MIDEAS: variants seen among roughly 807,000 people sequenced by gnomAD.
MIDEAS encodes the protein mitotic deacetylase associated SANT domain protein.
A neutral mutation model predicts 102.7 loss-of-function variants in MIDEAS; 26 were observed. The ratio of observed to expected loss-of-function variants is 0.25; its 90% CI spans 0.19 to 0.35. The LOEUF (loss-of-function observed/expected upper bound fraction) is 0.35. MIDEAS is among the 10% of genes least tolerant of loss of function. The pLI, the probability that MIDEAS is intolerant of heterozygous loss-of-function variation, is 1.00. For synonymous variants in MIDEAS, 585 were observed against 591.0 expected (o/e 0.99, Z 0.15); for missense variants, 1,231 against 1,435.6 (o/e 0.86, Z 2.30).
At chr14:73,779,573 A>ATTTTTTTT (rs1322412292) in intron 1 of MIDEAS, among the ~76,000 whole-genome samples, 1 of 119,992 alleles carries the variant, frequency 8.3e-6, no homozygotes, top group Admixed American at 9.0e-5. Context: ...TATTATTATT[A>ATTTTTTTT]TTTTTTTTTT....
chr14:73,770,364 ATG>A (rs1491203519), intron 1 of MIDEAS, among the ~76,000 whole-genome samples: 5 of 70,332 alleles, frequency 7.1e-5, no homozygotes, highest in African/African-American at 9.4e-5. Context: ...GATGATGACG[ATG>A]ATGATGATGA....
At position 73,726,829 on chromosome 14, in the gene MIDEAS, C is replaced by A; in HGVS notation, c.2305+1G>T. ...CTTGCTGCCCCCAGGCCCCTCCTCA[C>A]CTTGCCTCTGCTTCTCCCGGCTGCT... On this transcript the variant is annotated splice_donor_variant, in intron 6 of 12. Transcript: ENST00000423556. LOFTEE classifies it high-confidence loss of function. 1 of 1,608,524 alleles carries A rather than the reference C, an allele frequency of 6.2e-7. No homozygotes were observed. Among genetic ancestry groups the A allele is most frequent in the Non-Finnish European group, 8.5e-7 (1 of 1,175,842 alleles).
At chr14:73,777,700 C>T (rs758859679) in intron 1 of MIDEAS, among the ~76,000 whole-genome samples, 2 of 151,960 alleles carry the variant, frequency 1.3e-5, no homozygotes, top group Admixed American at 6.6e-5. Context: ...TTCTCCAGGA[C>T]GCCTCTCATT....
Position 73,726,206 on chromosome 14 carries a change from CTTACTCTTGCCCCCT to C in MIDEAS, c.2410-113_2410-99del, listed in dbSNP as rs2053058931. 3 of 978,754 alleles carry C rather than the reference CTTACTCTTGCCCCCT, an allele frequency of 3.1e-6. No individual in the cohort carries two copies. In the Admixed American group the frequency reaches 6.0e-5, roughly 20 times the overall value. 60.6% of individuals were successfully genotyped at this position (978,754 alleles called of 1,614,324 possible). ...GATAAAATCCCGAGTAGGGTGGACA[CTTACTCTTGCCCCCT>C]TAACTGCTGAGAGATAAGGGGTCCA... On this transcript the variant is annotated intron_variant, in intron 7 of 12. Transcript: ENST00000423556.
intron 1 of MIDEAS, among the ~76,000 whole-genome samples, chr14:73,743,841 G>A (rs933121254): frequency 3.9e-5 from 6 of 151,990 alleles, no homozygotes; most frequent in East Asian, 3.9e-4. Flanking sequence ...ACGGCAACCC[G>A]CCCTGTCAGT....
In MIDEAS at chr14:73,738,671, T is replaced by A; in HGVS notation, c.1338A>T (p.Leu446=). Residue 446 remains leucine, a synonymous_variant, in exon 2 of 13, where the codon CTA becomes CTT. Coordinates refer to ENST00000423556, the MANE Select transcript of MIDEAS (RefSeq NM_001367710.1). ...AVSTGDCGQV[L]RGGVIQSTRR... The stretch of plus-strand genomic sequence containing the variant: ...GCGTGCTCTGGATCACTCCGCCCCG[T>A]AGCACCTGCCCACAGTCCCCTGTGC... The A allele has an allele frequency of 9.3e-6, 15 of 1,613,858 alleles. No individual in the cohort carries two copies. The highest frequency in any genetic ancestry group is 1.3e-5 in the Non-Finnish European group (15 of 1,179,960).
chr14:73,739,672 C>T lies in MIDEAS; in HGVS notation c.337G>A (p.Gly113Ser), dbSNP rs751590751. ...APGRGPERGG[G>S]GGVSDSSWQQ... ...CAGCTGCTGTCACTGACACCCCCAC[C>T]TCCTCCACGCTCCGGGCCCCGCCCT... Residue 113 changes from glycine to serine, a missense_variant, in exon 2 of 13, where the codon GGT becomes AGT. Gly to Ser is a moderately conservative substitution (Grantham distance 56). Around this residue, in one of 5 missense-constraint regions of MIDEAS, gnomAD observed 758 missense variants for 856.0 expected, o/e 0.89. Transcript: ENST00000423556. 6.2e-7 allele frequency: 1 copy of T among 1,613,800 alleles called. No individual in the cohort carries two copies. The highest frequency in any genetic ancestry group is 2.2e-5 in the East Asian group (1 of 44,884).
intron 10 of MIDEAS, 97 bp from the exon 11 acceptor site, chr14:73,721,606 A>G: frequency 9.0e-7 from 1 of 1,106,672 alleles, no homozygotes; most frequent in Non-Finnish European, 1.4e-6. Flanking sequence ...AGCCCCAGCT[A>G]GTCCTGCTCG....
intron 1 of MIDEAS, among the ~76,000 whole-genome samples, chr14:73,771,660 C>A (rs1194352947): frequency 6.6e-6 from 1 of 152,228 alleles, no homozygotes; most frequent in African/African-American, 2.4e-5. Context: ...CAGCGCCACA[C>A]CCAAACCTGC....
rs1386698811 is a variant in MIDEAS at position 73,739,841 on chromosome 14, G to T, written c.168C>A (p.Val56=). ...YLGHEGPGGA[V]STSQPVELPP... ...GCAGTTCCACAGGCTGAGAGGTGGA[G>T]ACTGCCCCTCCTGGACCCTCGTGCC... The change falls in exon 2 of 13, where the codon GTC becomes GTA. Residue 56 remains valine (V), a synonymous_variant. Coordinates refer to ENST00000423556, the MANE Select transcript of MIDEAS (RefSeq NM_001367710.1). 6.2e-7 allele frequency: 1 copy of T among 1,607,084 alleles called. No individual in the cohort carries two copies. Among genetic ancestry groups the T allele is most frequent in the African/African-American group, 1.3e-5 (1 of 74,776 alleles).
chr14:73,719,078 G>A (rs2052942199), intron 12 of MIDEAS, 70 bp from the exon 13 acceptor site: 1 of 1,446,916 alleles, frequency 6.9e-7, no homozygotes, highest in South Asian at 1.5e-5. Flanking sequence ...GGTGCGCGAG[G>A]AGCCCCAGCC....
chr14:73,751,629 C>T (rs57162157), intron 1 of MIDEAS, among the ~76,000 whole-genome samples: 12,953 of 152,190 alleles, frequency 0.085, 635 homozygotes, highest in African/African-American at 0.14. Context: ...CCGGATGCAG[C>T]GGCTCCCGTT....
At chr14:73,723,696 C>T (rs185105263) in intron 9 of MIDEAS, 7 of 152,236 alleles carry the variant, frequency 4.6e-5, no homozygotes, top group East Asian at 3.9e-4. Flanking sequence ...AATCTAAGTC[C>T]GGGGTGGATG....
At chr14:73,776,027 C>A (rs2053685178) in intron 1 of MIDEAS, among the ~76,000 whole-genome samples, 1 of 151,974 alleles carries the variant, frequency 6.6e-6, no homozygotes. Flanking sequence ...ACAAACCAAG[C>A]CTGAAACCAG....
chr14:73,738,788 C>A lies in MIDEAS; in HGVS notation c.1221G>T (p.Ser407=). 1 of 1,582,316 alleles carries A rather than the reference C, an allele frequency of 6.3e-7. No homozygotes were observed. Among genetic ancestry groups the A allele is most frequent in the Non-Finnish European group, 8.6e-7 (1 of 1,163,118 alleles). Residue 407 remains serine (S), a synonymous_variant, in exon 2 of 13, where the codon TCG becomes TCT. Coordinates refer to ENST00000423556, the MANE Select transcript of MIDEAS (RefSeq NM_001367710.1). ...ALGFPLELRE[S]QLLPDGERLA... is the part of the protein sequence containing the mutation. The stretch of plus-strand genomic sequence containing the variant: ...GTCTCTCCCCATCAGGCAGTAGCTG[C>A]GACTCCCTCAGCTCCAGCGGGAATC...
chr14:73,740,115 C>G lies in MIDEAS; in HGVS notation c.-107G>C. The G allele has an allele frequency of 7.3e-7, 1 of 1,370,136 alleles. No individual in the cohort carries two copies. The highest frequency in any genetic ancestry group is 9.5e-7 in the Non-Finnish European group (1 of 1,056,992). The allele number at this position is 1,370,136 out of a possible 1,614,324, so 84.9% of individuals were successfully genotyped here. A position where few individuals can be genotyped will look rare whatever the true frequency, so the allele number is the denominator to read the frequency against. On this transcript the variant is annotated 5_prime_UTR_variant, in exon 2 of 13. Coordinates refer to ENST00000423556, the MANE Select transcript of MIDEAS (RefSeq NM_001367710.1). ...GCTCTAGTCCAGGAGCCAGGGAGGGCAGAGCAGGGGCAGAGGAAGACGCTG... is the reference window on the plus strand; with the variant it reads ...GCTCTAGTCCAGGAGCCAGGGAGGGGAGAGCAGGGGCAGAGGAAGACGCTG...
intron 1 of MIDEAS, among the ~76,000 whole-genome samples, chr14:73,779,570 ATTATT>A (rs2053729557): frequency 1.7e-5 from 1 of 60,170 alleles, no homozygotes; most frequent in East Asian, 2.0e-3. Context: ...TATTATTATT[ATTATT>A]TTTTTTTTTT....
chr14:73,756,250 C>G (rs1309489034), intron 1 of MIDEAS, among the ~76,000 whole-genome samples: 1 of 148,134 alleles, frequency 6.8e-6, no homozygotes, highest in Non-Finnish European at 1.5e-5. Flanking sequence ...AAGTGTGTGA[C>G]TGCGAGAGCC....
In MIDEAS at chr14:73,727,514, T is replaced by C. The variant is rs748095406; in HGVS notation, c.2106A>G (p.Glu702=). 3 of 1,611,694 alleles carry C rather than the reference T, an allele frequency of 1.9e-6. No homozygotes were observed. Among genetic ancestry groups the C allele is most frequent in the South Asian group, 2.2e-5 (2 of 90,752 alleles). The change falls in exon 5 of 13, where the codon GAA becomes GAG. Residue 702 remains glutamate (E), a synonymous_variant. Transcript: ENST00000423556. ...HRTLLRTNSA[E]VTPPVLSVMG... is the part of the protein sequence containing the mutation. ...TCACAGAGAGGACAGGCGGGGTTACTTCAGCACTGTCTATGGGACAAAGAG... is the reference window on the plus strand; with the variant it reads ...TCACAGAGAGGACAGGCGGGGTTACCTCAGCACTGTCTATGGGACAAAGAG...
Sources: allele counts gnomAD v4.1 joint callset (sites outside exome capture counted in the v4.1 genomes callset), GRCh38; gene constraint gnomAD v4.1.1; regional missense constraint gnomAD v4.1.1; transcripts MANE v1.5; gene names NCBI Gene and HGNC (gene_info 2026-07-23, HGNC 2026-07-21).